The following NTRK2 variants were observed in gnomAD, a reference collection of about 807,000 sequenced individuals.
NTRK2 encodes neurotrophic receptor tyrosine kinase 2, also known as BDNF/NT-3 growth factors receptor.
In NTRK2, 13 loss-of-function variants were observed where a neutral mutation model predicts 94.5. That is an observed-to-expected ratio of 0.14 (90% CI 0.09 to 0.22). The LOEUF is 0.22. Ranked by LOEUF, NTRK2 falls within the 10% of genes least tolerant of loss-of-function variation. NTRK2 has a pLI of 1.00. For missense variants in NTRK2, 639 were observed against 1,071.2 expected (o/e 0.60, Z 5.63); for synonymous variants, 372 against 407.4 (o/e 0.91, Z 1.05).
chr9:84,702,136 A>T (rs763869510), intron 2 of NTRK2, 23 bp from the exon 3 acceptor site: 2 of 1,610,484 alleles, frequency 1.2e-6, no homozygotes, highest in African/African-American at 2.7e-5. Flanking sequence ...AGTCACTGCG[A>T]TTCACTCTCT....
In NTRK2 at chr9:84,930,801, A is replaced by G. The variant is rs143210125; in HGVS notation, c.1634-3361A>G. Among the ~76,000 whole-genome samples, 455 of 152,204 alleles carry G rather than the reference A, an allele frequency of 3.0e-3. 2 individuals carry two copies. The highest frequency in any genetic ancestry group is 0.024 in the Middle Eastern group (7 of 292). ...GGAAATGGAAAATGGGCAAGTTGGG[A>G]TGAGTTTTGATGCCTTCTTAAAGGA... On this transcript the variant is annotated intron_variant, in intron 14 of 18. Coordinates refer to ENST00000277120, the MANE Select transcript of NTRK2 (RefSeq NM_006180.6).
chr9:84,829,123 C>T (rs1587551062), intron 12 of NTRK2, among the ~76,000 whole-genome samples: 1 of 152,012 alleles, frequency 6.6e-6, no homozygotes, highest in Non-Finnish European at 1.5e-5. Context: ...CTCAGCCTCT[C>T]CAGTAGCTGG....
chr9:84,810,910 A>C, intron 12 of NTRK2: 1 of 1,203,226 alleles, frequency 8.3e-7, no homozygotes, highest in Non-Finnish European at 1.0e-6. Flanking sequence ...TCTTCTGAAA[A>C]GTGTGCTTTT....
At chr9:84,769,200 T>C (rs2066305576) in intron 12 of NTRK2, among the ~76,000 whole-genome samples, 1 of 152,160 alleles carries the variant, frequency 6.6e-6, no homozygotes, top group South Asian at 2.1e-4. Context: ...ATAAACATTA[T>C]TGAAAAAATT....
intron 9 of NTRK2, among the ~76,000 whole-genome samples, chr9:84,740,769 G>A (rs1288422835): frequency 6.6e-6 from 1 of 152,156 alleles, no homozygotes; most frequent in South Asian, 2.1e-4. Context: ...TAGTTGAAAT[G>A]CGTTACAATT....
chr9:84,778,374 GC>G (rs1212859566), intron 12 of NTRK2, among the ~76,000 whole-genome samples: 1 of 152,212 alleles, frequency 6.6e-6, no homozygotes, highest in African/African-American at 2.4e-5. Flanking sequence ...CTATGGAAGG[GC>G]CTGTAGGTGC....
At position 84,825,624 on chromosome 9, in the gene NTRK2, A is replaced by G. The variant is rs540781487; in HGVS notation, c.1397-35416A>G. Among the ~76,000 whole-genome samples the G allele has an allele frequency of 3.9e-5, 6 of 152,380 alleles. 1 individual carries two copies. Among genetic ancestry groups the G allele is most frequent in the South Asian group, 4.1e-4 (2 of 4,832 alleles). ...TGGCAAGTCATTCAGACAGCATGGC[A>G]TGCAGTAACAGAAGCAATGACCATA... is the stretch of plus-strand genomic sequence containing the variant. On this transcript the variant is annotated intron_variant, in intron 12 of 18. Coordinates refer to ENST00000277120, the MANE Select transcript of NTRK2 (RefSeq NM_006180.6).
chr9:84,784,717 G>A (rs558898364), intron 12 of NTRK2, among the ~76,000 whole-genome samples: 113 of 152,300 alleles, frequency 7.4e-4, no homozygotes, highest in African/African-American at 2.4e-3. Context: ...GTTCCCTTTA[G>A]TGACATCTCC....
chr9:84,902,882 A>G (rs1328315455), intron 14 of NTRK2, among the ~76,000 whole-genome samples: 1 of 152,208 alleles, frequency 6.6e-6, no homozygotes, highest in Non-Finnish European at 1.5e-5. Context: ...AATGGGCACA[A>G]TGAAGCCTTC....
chr9:84,780,806 C>T (rs1439989931), intron 12 of NTRK2, among the ~76,000 whole-genome samples: 1 of 152,132 alleles, frequency 6.6e-6, no homozygotes, highest in East Asian at 1.9e-4. Context: ...GATGGTTATA[C>T]ATGGAAACAT....
intron 12 of NTRK2, among the ~76,000 whole-genome samples, chr9:84,763,268 AGGG>A (rs1175606071): frequency 6.6e-6 from 1 of 152,120 alleles, no homozygotes; most frequent in East Asian, 1.9e-4. Context: ...AGTCTGAGTC[AGGG>A]CTCTGTGTTT....
intron 12 of NTRK2, among the ~76,000 whole-genome samples, chr9:84,755,310 T>C (rs10481760): frequency 1.3e-5 from 2 of 152,156 alleles, no homozygotes; most frequent in African/African-American, 4.8e-5. Flanking sequence ...ACAGCATTCA[T>C]ATTTGTGGTG....
At chr9:84,712,388 T>C (rs1312269612) in intron 6 of NTRK2, among the ~76,000 whole-genome samples, 1 of 151,938 alleles carries the variant, frequency 6.6e-6, no homozygotes, top group African/African-American at 2.4e-5. Context: ...TTTTCAGTCA[T>C]TTTTTATTTC....
At chr9:84,977,621 G>A (rs2133198146) in intron 17 of NTRK2, among the ~76,000 whole-genome samples, 1 of 152,318 alleles carries the variant, frequency 6.6e-6, no homozygotes, top group South Asian at 2.1e-4. Context: ...TGCAAATACA[G>A]AATTCGTGGA....
chr9:84,771,362 G>GC (rs1042561460), intron 12 of NTRK2, among the ~76,000 whole-genome samples: 7 of 152,164 alleles, frequency 4.6e-5, no homozygotes, highest in Non-Finnish European at 1.5e-5. Context: ...TGTCCTGAAA[G>GC]CCCTAACTCA....
chr9:84,956,730 C>G (rs1381346692), intron 17 of NTRK2, among the ~76,000 whole-genome samples: 1 of 152,124 alleles, frequency 6.6e-6, no homozygotes, highest in Non-Finnish European at 1.5e-5. Flanking sequence ...GTTCCCCTTC[C>G]TGCAGTCTTG....
chr9:84,841,936 A>T (rs2074209050), intron 12 of NTRK2, among the ~76,000 whole-genome samples: 1 of 152,234 alleles, frequency 6.6e-6, no homozygotes, highest in Non-Finnish European at 1.5e-5. Flanking sequence ...GAGCCATGTG[A>T]TGAGACGCAT....
chr9:84,885,283 G>C (rs773300986), intron 14 of NTRK2, among the ~76,000 whole-genome samples: 4 of 152,270 alleles, frequency 2.6e-5, no homozygotes, highest in Admixed American at 6.5e-5. Context: ...TTGAAAATGA[G>C]ATTCAAATGA....
At chr9:84,871,366 C>T (rs1219314354) in intron 14 of NTRK2, among the ~76,000 whole-genome samples, 3 of 152,176 alleles carry the variant, frequency 2.0e-5, no homozygotes, top group African/African-American at 7.2e-5. Flanking sequence ...AGATTTAAGA[C>T]ACCGGGTGAG....
Sources: allele counts gnomAD v4.1 joint callset (sites outside exome capture counted in the v4.1 genomes callset), GRCh38; gene constraint gnomAD v4.1.1; transcripts MANE v1.5; gene names NCBI Gene and HGNC (gene_info 2026-07-23, HGNC 2026-07-21).